KIRREL3: variants seen among roughly 807,000 people sequenced by gnomAD.
KIRREL3 encodes the protein kirre like nephrin family adhesion molecule 3.
KIRREL3 carries 36 observed loss-of-function variants against 89.7 expected under a neutral mutation model. The observed-to-expected ratio is 0.40, with a 90% CI of 0.31 to 0.53. The LOEUF is 0.53. Ranked by LOEUF, KIRREL3 falls within the 20% of genes least tolerant of loss-of-function variation. The pLI, the probability that KIRREL3 is intolerant of heterozygous loss-of-function variation, is 0.49. For missense variants in KIRREL3, 864 were observed against 1,056.6 expected, an observed-to-expected ratio of 0.82 and a Z score of 2.53; for synonymous variants, 445 against 441.4, an observed-to-expected ratio of 1.01 and a Z score of -0.10.
At chr11:126,450,398 TGTGA>T (rs1319703532) in intron 7 of KIRREL3, among the ~76,000 whole-genome samples, 89 of 150,752 alleles carry the variant, frequency 5.9e-4, no homozygotes, top group East Asian at 4.9e-3. Context: ...TGTGGGTATG[TGTGA>T]GTGTGTGCAT....
Position 126,523,301 on chromosome 11 carries a change from T to A in KIRREL3, c.284-1837A>T, listed in dbSNP as rs963680167. On this transcript the variant is annotated intron_variant, in intron 3 of 16. Coordinates refer to ENST00000525144, the MANE Select transcript of KIRREL3 (RefSeq NM_032531.4). The surrounding 1 kb of genome is among the most constrained non-coding windows in gnomAD (Gnocchi z 4.9). Reference sequence around the variant, plus strand: ...CAGACTAGAGGAGCTTGAAGGCCCCTCTCACCACCATAAGTGAAGGTTCTT... The same window carrying A: ...CAGACTAGAGGAGCTTGAAGGCCCCACTCACCACCATAAGTGAAGGTTCTT... 6.6e-6 allele frequency among the ~76,000 whole-genome samples: 1 copy of A among 152,076 alleles called. No homozygotes were observed. Among genetic ancestry groups the A allele is most frequent in the Non-Finnish European group, 1.5e-5 (1 of 68,012 alleles).
intron 1 of KIRREL3, among the ~76,000 whole-genome samples, chr11:126,595,231 A>C (rs1193695821): frequency 6.6e-6 from 1 of 152,252 alleles, no homozygotes; most frequent in African/African-American, 2.4e-5. Context: ...CTTTGGGCAG[A>C]CAAAGGAGCT....
intron 1 of KIRREL3, among the ~76,000 whole-genome samples, chr11:126,701,056 T>C (rs1275585809): frequency 6.6e-6 from 1 of 152,240 alleles, no homozygotes; most frequent in Non-Finnish European, 1.5e-5. Flanking sequence ...TCAGTGTCTC[T>C]TTGCAGAAAC....
chr11:126,926,804 A>G (rs1947736965), intron 1 of KIRREL3, among the ~76,000 whole-genome samples: 1 of 152,218 alleles, frequency 6.6e-6, no homozygotes, highest in Non-Finnish European at 1.5e-5. Flanking sequence ...ATGAAAGCAA[A>G]GGAGAAAGAT....
rs1946246354 is a variant in KIRREL3, at chr11:126,677,463, A to G, written c.56-114551T>C. Reference sequence around the variant, plus strand: ...CTATCTATTATCTCCTCTAATTCTCACCACCTCTTTGGAAAGCCAGCCTTA... The same window carrying G: ...CTATCTATTATCTCCTCTAATTCTCGCCACCTCTTTGGAAAGCCAGCCTTA... On this transcript the variant is annotated intron_variant, in intron 1 of 16. Coordinates refer to ENST00000525144, the MANE Select transcript of KIRREL3 (RefSeq NM_032531.4). The surrounding 1 kb of genome is among the most constrained non-coding windows in gnomAD (Gnocchi z 5.1). 6.6e-6 allele frequency among the ~76,000 whole-genome samples: 1 copy of G among 152,050 alleles called. No homozygotes were observed. The highest frequency in any genetic ancestry group is 2.4e-5 in the African/African-American group (1 of 41,392).
At chr11:126,464,214 GAGA>G (rs1439972678) in intron 5 of KIRREL3, among the ~76,000 whole-genome samples, 1 of 151,920 alleles carries the variant, frequency 6.6e-6, no homozygotes, top group Admixed American at 6.6e-5. Flanking sequence ...CTTGGAAGAA[GAGA>G]AGAGAGTCTG....
chr11:126,446,915 T>C, intron 8 of KIRREL3, 29 bp from the exon 9 acceptor site: 1 of 1,598,836 alleles, frequency 6.3e-7, no homozygotes, highest in Non-Finnish European at 8.5e-7. Flanking sequence ...GAAGACAGGT[T>C]CAGGTGGGTG....
intron 1 of KIRREL3, among the ~76,000 whole-genome samples, chr11:126,856,178 C>A (rs1419941856): frequency 6.6e-6 from 1 of 152,106 alleles, no homozygotes; most frequent in Non-Finnish European, 1.5e-5. Flanking sequence ...GAAAATTCCA[C>A]AGTAATGAAA....
intron 1 of KIRREL3, among the ~76,000 whole-genome samples, chr11:126,572,138 G>T (rs554379930): frequency 1.1e-4 from 17 of 152,164 alleles, no homozygotes; most frequent in Non-Finnish European, 2.5e-4. Context: ...GCAGGAAAAG[G>T]CATTTCTGCT....
chr11:126,919,290 C>T (rs947397598), intron 1 of KIRREL3, among the ~76,000 whole-genome samples: 3 of 152,026 alleles, frequency 2.0e-5, no homozygotes, highest in African/African-American at 7.2e-5. Flanking sequence ...CAAGCTGGGC[C>T]CCTTGGTTAA....
At chr11:126,552,315 G>GC (rs1939329184) in intron 2 of KIRREL3, among the ~76,000 whole-genome samples, 1 of 152,158 alleles carries the variant, frequency 6.6e-6, no homozygotes, top group Non-Finnish European at 1.5e-5. Context: ...GGTTACGTAA[G>GC]TTCCAAACGA....
At chr11:126,467,995 A>C (rs1036844264) in intron 5 of KIRREL3, among the ~76,000 whole-genome samples, 10 of 152,066 alleles carry the variant, frequency 6.6e-5, no homozygotes, top group African/African-American at 2.2e-4. Context: ...TCCTCTTAGC[A>C]AAGGTGGTAA....
In KIRREL3 at chr11:126,795,220, T is replaced by C. The variant is rs1481641975; in HGVS notation, c.55+205235A>G. On this transcript the variant is annotated intron_variant, in intron 1 of 16. Coordinates refer to ENST00000525144, the MANE Select transcript of KIRREL3 (RefSeq NM_032531.4). The surrounding 1 kb of genome is among the most constrained non-coding windows in gnomAD (Gnocchi z 4.1). ...AGTGTACAGCATACAGAATGAACTCTAATGTAAACTAGGGACTTCAATTCA... is the reference window on the plus strand; with the variant it reads ...AGTGTACAGCATACAGAATGAACTCCAATGTAAACTAGGGACTTCAATTCA... 6.6e-6 allele frequency among the ~76,000 whole-genome samples: 1 copy of C among 152,198 alleles called. No homozygotes were observed. The highest frequency in any genetic ancestry group is 2.4e-5 in the African/African-American group (1 of 41,444).
intron 9 of KIRREL3, among the ~76,000 whole-genome samples, chr11:126,446,368 G>T (rs1373694450): frequency 8.1e-6 from 1 of 123,944 alleles, no homozygotes; most frequent in Non-Finnish European, 1.8e-5. Flanking sequence ...CCAAGGTCTT[G>T]CTACGTTGCC....
chr11:126,456,116 G>T (rs528905775), intron 7 of KIRREL3, among the ~76,000 whole-genome samples: 40 of 133,034 alleles, frequency 3.0e-4, no homozygotes, highest in African/African-American at 9.4e-4. Flanking sequence ...AGCAGAAGCC[G>T]TGAGTCCTGC....
At chr11:126,672,554 C>A (rs531539117) in intron 1 of KIRREL3, among the ~76,000 whole-genome samples, 3 of 152,030 alleles carry the variant, frequency 2.0e-5, no homozygotes, top group Non-Finnish European at 4.4e-5. Context: ...TTGCCAGGGG[C>A]GTGGGCAGAG....
chr11:126,968,345 AAAAG>A (rs1949335367), intron 1 of KIRREL3, among the ~76,000 whole-genome samples: 1 of 152,228 alleles, frequency 6.6e-6, no homozygotes, highest in African/African-American at 2.4e-5. Context: ...GGCAAAATGC[AAAAG>A]AAAGAAAGGG....
At chr11:126,580,613 G>A (rs910779069) in intron 1 of KIRREL3, among the ~76,000 whole-genome samples, 1 of 152,124 alleles carries the variant, frequency 6.6e-6, no homozygotes, top group African/African-American at 2.4e-5. Flanking sequence ...CCCTGGCCCA[G>A]CCCCATGTGC....
rs1402438272 is a variant in KIRREL3 at position 126,754,662 on chromosome 11, G to A, written c.56-191750C>T. ...GCGCACTCAGTGGTGTCAGGTGGCTGTGTTGTCTTCTTTCTGAGTTGTCTT... is the reference window on the plus strand; with the variant it reads ...GCGCACTCAGTGGTGTCAGGTGGCTATGTTGTCTTCTTTCTGAGTTGTCTT... On this transcript the variant is annotated intron_variant, in intron 1 of 16. Coordinates refer to ENST00000525144, the MANE Select transcript of KIRREL3 (RefSeq NM_032531.4). The surrounding 1 kb of genome is among the most constrained non-coding windows in gnomAD (Gnocchi z 5.1). 1.3e-5 allele frequency among the ~76,000 whole-genome samples: 2 copies of A among 151,978 alleles called. No homozygotes were observed. Among genetic ancestry groups the A allele is most frequent in the Non-Finnish European group, 2.9e-5 (2 of 68,020 alleles).
Sources: allele counts gnomAD v4.1 joint callset (sites outside exome capture counted in the v4.1 genomes callset), GRCh38; gene constraint gnomAD v4.1.1; non-coding constraint Gnocchi (gnomAD v3.1); transcripts MANE v1.5; gene names NCBI Gene and HGNC (gene_info 2026-07-23, HGNC 2026-07-21).